The following REXO2 variants were observed in gnomAD, a reference collection of about 807,000 sequenced individuals.
REXO2 encodes the protein oligoribonuclease, mitochondrial.
A neutral mutation model predicts 30.9 loss-of-function variants in REXO2; 17 were observed. The observed-to-expected ratio is 0.55, with a 90% CI of 0.38 to 0.82. The LOEUF is 0.82. REXO2 is among the 40% of genes least tolerant of loss of function. The probability of loss-of-function intolerance (pLI) is 0.00; values close to 1 mark genes in which losing one functional copy is unlikely to be tolerated. For missense variants in REXO2, 253 were observed against 293.2 expected, an observed-to-expected ratio of 0.86 and a Z score of 1.00; for synonymous variants, 105 against 99.6, an observed-to-expected ratio of 1.05 and a Z score of -0.32.
In REXO2 at chr11:114,439,905, G is replaced by A. The variant is rs1946463662; in HGVS notation, c.147+230G>A. On this transcript the variant is annotated intron_variant, in intron 1 of 6. Transcript: ENST00000265881. ...CCACAAGGGAGGAGTCCTCCGTGTG[G>A]CTTCTTCTCCTCCCTACCCCTCCGC... The A allele has an allele frequency of 5.2e-6, 3 of 582,260 alleles. No individual in the cohort carries two copies. In the South Asian group the frequency reaches 6.3e-5, roughly 12 times the overall value. 36.1% of individuals were successfully genotyped at this position (582,260 alleles called of 1,614,324 possible).
rs146578326 is a variant in REXO2 at position 114,440,514 on chromosome 11, G to A, written c.148-142G>A. 292 of 628,890 alleles carry A rather than the reference G, an allele frequency of 4.6e-4. No individual in the cohort carries two copies. The African/African-American group carries it at 4.8e-3, about 10-fold the overall frequency. The allele number at this position is 628,890 out of a possible 1,614,324, so 39.0% of individuals were successfully genotyped here. ...CTCGTGTTTAGTACCTTCAGTAGTTGCCCGAGGAGCATTCTTTCTCTTCTG... is the reference window on the plus strand; with the variant it reads ...CTCGTGTTTAGTACCTTCAGTAGTTACCCGAGGAGCATTCTTTCTCTTCTG... On this transcript the variant is annotated intron_variant, in intron 1 of 6. Transcript: ENST00000265881.
At chr11:114,440,128 A>G (rs1412747432) in intron 1 of REXO2, 1 of 464,792 alleles carries the variant, frequency 2.2e-6, no homozygotes, top group Non-Finnish European at 4.3e-6. Context: ...GCCCACAGAA[A>G]GGATTCAACT....
Position 114,439,547 on chromosome 11 carries a change from G to C in REXO2, c.19G>C (p.Gly7Arg), listed in dbSNP as rs770316343. Residue 7 changes from glycine to arginine, a missense_variant, in exon 1 of 7, where the codon GGC (glycine) becomes CGC (arginine). Gly to Arg is a moderately radical substitution (Grantham distance 125). Coordinates refer to ENST00000265881, the MANE Select transcript of REXO2 (RefSeq NM_015523.4). MLGGSL[G>R]SRLLRGVGGS... ...CCGGGTGATGCTAGGCGGCTCCCTG[G>C]GCTCCAGGCTGTTGCGGGGTGTAGG... 7.5e-6 allele frequency: 12 copies of C among 1,608,456 alleles called. No homozygotes were observed. Among genetic ancestry groups the C allele is most frequent in the Non-Finnish European group, 1.0e-5 (12 of 1,179,510 alleles).
rs143125008 is a variant in REXO2, at chr11:114,441,983, T to C, written c.231+1244T>C. On this transcript the variant is annotated intron_variant, in intron 2 of 6. Transcript: ENST00000265881. ...GTGTCTTTATTTTACCAGTCTAACT[T>C]ACCCTTGGCCGAAGAAGAGTGTTTC... 8.9e-4 allele frequency: 491 copies of C among 552,544 alleles called. 1 individual carries two copies. Among genetic ancestry groups the C allele is most frequent in the African/African-American group, 7.9e-3 (417 of 53,010 alleles). The allele number at this position is 552,544 out of a possible 1,614,324, so 34.2% of individuals were successfully genotyped here.
At chr11:114,440,063 G>C in intron 1 of REXO2, 1 of 480,030 alleles carries the variant, frequency 2.1e-6, no homozygotes, top group Non-Finnish European at 4.1e-6. Flanking sequence ...AGGGCCAGAC[G>C]GGACTCCGGA....
chr11:114,444,160 C>A, intron 3 of REXO2: 1 of 634,200 alleles, frequency 1.6e-6, no homozygotes, highest in South Asian at 1.5e-5. Flanking sequence ...TTCAGTCTGT[C>A]GCGAACGCAT....
At chr11:114,443,815 C>T (rs1174275111) in intron 2 of REXO2, 41 bp from the exon 3 acceptor site, 3 of 1,437,102 alleles carry the variant, frequency 2.1e-6, no homozygotes, top group African/African-American at 1.4e-5. Flanking sequence ...TAAGGTTATT[C>T]CTGTTGTTTC....
chr11:114,445,302 T>A (rs1946504742), intron 4 of REXO2: 1 of 152,232 alleles, frequency 6.6e-6, no homozygotes, highest in South Asian at 2.1e-4. Flanking sequence ...TCTACCAGGA[T>A]TTTTAAAAGG....
intron 1 of REXO2, chr11:114,440,031 C>T (rs1345363446): frequency 2.1e-6 from 1 of 475,992 alleles, no homozygotes; most frequent in Non-Finnish European, 4.0e-6. Flanking sequence ...CCAACTAAAT[C>T]CTTAAAGGAC....
chr11:114,447,675 A>T (rs1946517856), intron 5 of REXO2, 151 bp from the exon 6 acceptor site: 1 of 559,868 alleles, frequency 1.8e-6, no homozygotes, highest in Non-Finnish European at 3.1e-6. Context: ...GAAAGAGAGG[A>T]GAGGGTAGAA....
At chr11:114,444,414 G>T in intron 3 of REXO2, 127 bp from the exon 4 acceptor site, 1 of 698,964 alleles carries the variant, frequency 1.4e-6, no homozygotes, top group Admixed American at 2.6e-5. Context: ...ATTTGAACTT[G>T]AGCTCTAAAA....
chr11:114,449,394 G>T (rs1162188163), intron 6 of REXO2, among the ~76,000 whole-genome samples: 1 of 151,590 alleles, frequency 6.6e-6, no homozygotes. Context: ...AAATGTGGTC[G>T]ATTAAGTTTT....
At chr11:114,439,707 C>A in intron 1 of REXO2, 32 bp downstream of exon 1, 3 of 1,450,702 alleles carry the variant, frequency 2.1e-6, no homozygotes, top group South Asian at 1.4e-5. Flanking sequence ...CTTGGGGAGG[C>A]GAGTGAGGTT....
intron 5 of REXO2, chr11:114,446,442 A>G (rs1946510348): frequency 6.0e-6 from 1 of 165,426 alleles, no homozygotes; most frequent in Admixed American, 6.1e-5. Context: ...AAAAAAACGC[A>G]CCCTGAAAAT....
chr11:114,440,191 C>A (rs754491893), intron 1 of REXO2: 3 of 458,142 alleles, frequency 6.5e-6, no homozygotes, highest in South Asian at 3.1e-5. Flanking sequence ...GAACCCAGTT[C>A]CTATCCCTTC....
At chr11:114,441,923 A>T in intron 2 of REXO2, 1 of 597,816 alleles carries the variant, frequency 1.7e-6, no homozygotes, top group Non-Finnish European at 3.0e-6. Context: ...TTTTTCTGTT[A>T]CTTGGGATTT....
At position 114,447,821 on chromosome 11, in the gene REXO2, T is replaced by C; in HGVS notation, c.531-5T>C. 6.2e-7 allele frequency: 1 copy of C among 1,613,074 alleles called. No individual in the cohort carries two copies. The highest frequency in any genetic ancestry group is 8.5e-7 in the Non-Finnish European group (1 of 1,179,486). On this transcript the variant is annotated splice_region_variant and splice_polypyrimidine_tract_variant and intron_variant, in intron 5 of 6. Transcript: ENST00000265881. ...CTTTGAGAGTTCCATTTCTGCTGTG[T>C]ATAGACGCTGGTATCCAGAAGAATA...
Position 114,445,996 on chromosome 11 carries a change from G to T in REXO2, c.439G>T (p.Asp147Tyr). The T allele has an allele frequency of 6.3e-7, 1 of 1,597,100 alleles. No homozygotes were observed. Among genetic ancestry groups the T allele is most frequent in the Non-Finnish European group, 8.6e-7 (1 of 1,165,110 alleles). ...CPLAGNSVHEDKKFLDKYMPQ... is the reference protein window; with the variant it reads ...CPLAGNSVHEYKKFLDKYMPQ... ...CTTTCTAGGAAATTCAGTTCATGAA[G>T]ATAAGAAGTTTCTTGACAAATACAT... Residue 147 changes from aspartate (D) to tyrosine (Y), a missense_variant, in exon 5 of 7, where the codon GAT becomes TAT. Coordinates refer to ENST00000265881, the MANE Select transcript of REXO2 (RefSeq NM_015523.4).
intron 3 of REXO2, 82 bp downstream of exon 3, chr11:114,444,015 G>GGTA: frequency 5.4e-6 from 5 of 929,884 alleles, no homozygotes; most frequent in South Asian, 1.4e-5. Flanking sequence ...CGATACCATT[G>GGTA]TTGGATGGTA....
Sources: gnomAD v4.1 joint callset for allele counts (sites outside exome capture counted in the v4.1 genomes callset) on GRCh38, gnomAD v4.1.1 for gene constraint, MANE v1.5 for transcripts, NCBI Gene and HGNC (gene_info 2026-07-23, HGNC 2026-07-21) for gene names.